Variants in MEP1A observed in about 807,000 individuals in gnomAD.
MEP1A encodes the protein N-benzoyl-L-tyrosyl-P-amino-benzoic acid hydrolase subunit alpha.
Under a neutral mutation model 84.5 loss-of-function variants are expected in MEP1A, and 68 were observed. The ratio of observed to expected loss-of-function variants is 0.80; its 90% CI spans 0.66 to 0.98. MEP1A has a LOEUF of 0.98. Among genes scored for constraint, MEP1A ranks in the 50% least tolerant of loss-of-function variants. The probability of loss-of-function intolerance (pLI) is 0.00; values close to 1 mark genes in which losing one functional copy is unlikely to be tolerated. For missense variants in MEP1A, 887 were observed against 919.9 expected (o/e 0.96, Z 0.46); for synonymous variants, 337 against 336.8 (o/e 1.00, Z -0.01).
chr6:46,837,666 C>A (rs7767175), intron 13 of MEP1A, among the ~76,000 whole-genome samples: 96,249 of 152,020 alleles, frequency 0.63, 30,759 homozygotes, highest in South Asian at 0.73. Flanking sequence ...CTCCACTCAG[C>A]CAAACTATTG....
chr6:46,794,397 A>G (rs1196356363), intron 3 of MEP1A, among the ~76,000 whole-genome samples: 1 of 152,154 alleles, frequency 6.6e-6, no homozygotes, highest in African/African-American at 2.4e-5. Context: ...TTGCATATTT[A>G]TTTGTCCAGT....
chr6:46,807,074 C>T (rs150030995), intron 5 of MEP1A, among the ~76,000 whole-genome samples: 1 of 151,970 alleles, frequency 6.6e-6, no homozygotes, highest in East Asian at 1.9e-4. Flanking sequence ...ACCAGAAATT[C>T]TCTCAAAGGA....
chr6:46,797,792 CTCTTTCTTTCTT>C (rs552272095), intron 3 of MEP1A, among the ~76,000 whole-genome samples: 17,028 of 136,660 alleles, frequency 0.12, 1,289 homozygotes, highest in South Asian at 0.21. Flanking sequence ...TTCTTTCTTT[CTCTTTCTTTCTT>C]TCTTTCTTTC....
chr6:46,803,904 C>T (rs752920123), intron 5 of MEP1A, among the ~76,000 whole-genome samples: 21 of 151,652 alleles, frequency 1.4e-4, no homozygotes, highest in East Asian at 9.6e-4. Context: ...TTGTCCTTAG[C>T]GTTAATATTA....
intron 5 of MEP1A, 78 bp downstream of exon 5, chr6:46,799,259 T>G (rs1452797103): frequency 1.1e-6 from 1 of 949,588 alleles, no homozygotes; most frequent in African/African-American, 1.6e-5. Flanking sequence ...GGCTTCACAT[T>G]GGGAGTAACC....
Position 46,825,296 on chromosome 6 carries a change from A to G in MEP1A, c.581A>G (p.Tyr194Cys), listed in dbSNP as rs754692574. The G allele has an allele frequency of 1.4e-4, 225 of 1,613,130 alleles. No individual in the cohort carries two copies. Among genetic ancestry groups the G allele is most frequent in the Non-Finnish European group, 1.8e-4 (208 of 1,179,546 alleles). ...GGTTACCAGCACAACTTTGACACCT[A>G]TGATGATAGCTTAATCACAGACCTC... ...LSGYQHNFDT[Y>C]DDSLITDLNT... Residue 194 changes from tyrosine to cysteine, a missense_variant, in exon 8 of 14, where the codon TAT (tyrosine) becomes TGT (cysteine). By Grantham distance (194) the Tyr-to-Cys change is radical. Transcript: ENST00000230588.
chr6:46,812,354 T>C (rs1767524390), intron 6 of MEP1A, among the ~76,000 whole-genome samples: 1 of 152,110 alleles, frequency 6.6e-6, no homozygotes, highest in African/African-American at 2.4e-5. Flanking sequence ...TATTGGGATC[T>C]TCTGTCTTCT....
At chr6:46,798,313 C>T (rs548722969) in intron 3 of MEP1A, among the ~76,000 whole-genome samples, 1 of 152,246 alleles carries the variant, frequency 6.6e-6, no homozygotes, top group South Asian at 2.1e-4. Context: ...TGCATCGAAT[C>T]CCTTTTTTAT....
At chr6:46,799,497 T>G (rs1425729209) in intron 5 of MEP1A, among the ~76,000 whole-genome samples, 1 of 152,248 alleles carries the variant, frequency 6.6e-6, no homozygotes, top group Admixed American at 6.5e-5. Flanking sequence ...AGTTTGCACT[T>G]TGTTTAGGTG....
At chr6:46,807,976 C>CA (rs988908342) in intron 5 of MEP1A, among the ~76,000 whole-genome samples, 1 of 151,824 alleles carries the variant, frequency 6.6e-6, no homozygotes, top group African/African-American at 2.4e-5. Flanking sequence ...GTAGTTTTTA[C>CA]AAAATTATTA....
At position 46,833,224 on chromosome 6, in the gene MEP1A, C is replaced by A. The variant is rs2150756507; in HGVS notation, c.1295C>A (p.Pro432His). The A allele has an allele frequency of 6.2e-7, 1 of 1,613,586 alleles. No homozygotes were observed. Among genetic ancestry groups the A allele is most frequent in the East Asian group, 2.2e-5 (1 of 44,878 alleles). The part of the protein sequence containing the change: ...DDITLTETPC[P>H]TGVWTVRNFS... The stretch of plus-strand genomic sequence containing the variant: ...ATCACTCTGACAGAAACCCCCTGCC[C>A]CACAGGGGTCTGGACAGTCCGGAAT... The change falls in exon 11 of 14, where the codon CCC becomes CAC. Residue 432 changes from proline to histidine, a missense_variant. Coordinates refer to ENST00000230588, the MANE Select transcript of MEP1A (RefSeq NM_005588.3).
intron 13 of MEP1A, among the ~76,000 whole-genome samples, chr6:46,838,671 T>C (rs1768271608): frequency 6.6e-6 from 1 of 152,216 alleles, no homozygotes; most frequent in African/African-American, 2.4e-5. Flanking sequence ...GAGTCCTGGA[T>C]CTGGAGGCAT....
intron 7 of MEP1A, 93 bp downstream of exon 7, chr6:46,819,797 C>A: frequency 2.3e-6 from 3 of 1,328,070 alleles, no homozygotes; most frequent in Non-Finnish European, 3.2e-6. Flanking sequence ...GGAGCTTCAG[C>A]CTCTCTAGTG....
chr6:46,835,150 G>A, intron 12 of MEP1A, 99 bp from the exon 13 acceptor site: 1 of 1,056,606 alleles, frequency 9.5e-7, no homozygotes, highest in Non-Finnish European at 1.4e-6. Flanking sequence ...AGGGGTGATG[G>A]GAGATAGAAG....
chr6:46,829,350 C>T lies in MEP1A; in HGVS notation c.929-6C>T. On this transcript the variant is annotated splice_region_variant and splice_polypyrimidine_tract_variant and intron_variant, in intron 9 of 13. Coordinates refer to ENST00000230588, the MANE Select transcript of MEP1A (RefSeq NM_005588.3). ...GACGTGTGATGTTTGGCTGCTCTTTCCATAGGTGCCGGCTACTTCATGCAG... is the reference window on the plus strand; with the variant it reads ...GACGTGTGATGTTTGGCTGCTCTTTTCATAGGTGCCGGCTACTTCATGCAG... 6.2e-7 allele frequency: 1 copy of T among 1,612,468 alleles called. No individual in the cohort carries two copies. Among genetic ancestry groups the T allele is most frequent in the South Asian group, 1.1e-5 (1 of 90,960 alleles).
chr6:46,829,255 C>G, intron 9 of MEP1A, 101 bp from the exon 10 acceptor site: 1 of 916,452 alleles, frequency 1.1e-6, no homozygotes, highest in East Asian at 2.4e-5. Flanking sequence ...GTTTTTGTTG[C>G]CTGGACAATG....
intron 6 of MEP1A, among the ~76,000 whole-genome samples, chr6:46,812,556 C>A (rs1286085866): frequency 6.6e-6 from 1 of 151,696 alleles, no homozygotes; most frequent in East Asian, 1.9e-4. Flanking sequence ...GTGGTGTAAC[C>A]TTAGATTGTC....
chr6:46,805,308 A>G (rs962150810), intron 5 of MEP1A, among the ~76,000 whole-genome samples: 11 of 151,892 alleles, frequency 7.2e-5, no homozygotes, highest in African/African-American at 2.7e-4. Flanking sequence ...TGCCTTTGCT[A>G]ACATTTGGTG....
intron 10 of MEP1A, among the ~76,000 whole-genome samples, chr6:46,830,073 C>A (rs1170809717): frequency 1.3e-5 from 2 of 151,730 alleles, no homozygotes; most frequent in East Asian, 1.9e-4. Context: ...CATGGTGAAA[C>A]CCCGTCTCTA....
Sources: gnomAD v4.1 joint callset for allele counts (sites outside exome capture counted in the v4.1 genomes callset) on GRCh38, gnomAD v4.1.1 for gene constraint, MANE v1.5 for transcripts, NCBI Gene and HGNC (gene_info 2026-07-23, HGNC 2026-07-21) for gene names.